Variants in DNAJC12 observed in about 807,000 individuals in gnomAD.
The protein encoded by DNAJC12 is dnaJ homolog subfamily C member 12.
In DNAJC12, 25 loss-of-function variants were observed where a neutral mutation model predicts 28.5. The observed-to-expected ratio is 0.88, with a 90% CI of 0.64 to 1.22. The LOEUF is 1.22. Among genes scored for constraint, DNAJC12 ranks in the 50% most tolerant of loss-of-function variants. The pLI is 0.00. For synonymous variants in DNAJC12, 77 were observed against 80.6 expected (o/e 0.95, Z 0.24); for missense variants, 222 against 231.7 (o/e 0.96, Z 0.27).
chr10:67,828,674 C>G, intron 1 of DNAJC12, among the ~76,000 whole-genome samples: 1 of 150,538 alleles, frequency 6.6e-6, no homozygotes, highest in East Asian at 1.9e-4. Flanking sequence ...CTCTCTCTCT[C>G]TATATATATA....
intron 1 of DNAJC12, among the ~76,000 whole-genome samples, chr10:67,832,504 G>T (rs1339152197): frequency 6.6e-6 from 1 of 151,974 alleles, no homozygotes; most frequent in Non-Finnish European, 1.5e-5. Context: ...GGTAATATTT[G>T]GGTTATAACA....
intron 1 of DNAJC12, among the ~76,000 whole-genome samples, chr10:67,830,846 T>C (rs2131815047): frequency 6.6e-6 from 1 of 152,212 alleles, no homozygotes; most frequent in South Asian, 2.1e-4. Flanking sequence ...ATCTAGGAAC[T>C]GAACCCATGC....
chr10:67,819,025 G>T (rs192659360), intron 2 of DNAJC12, among the ~76,000 whole-genome samples: 84 of 151,992 alleles, frequency 5.5e-4, no homozygotes, highest in African/African-American at 1.9e-3. Context: ...TAGTTAATAT[G>T]AATCCTAAAG....
intron 1 of DNAJC12, among the ~76,000 whole-genome samples, chr10:67,823,709 A>G (rs1842002846): frequency 6.6e-6 from 1 of 152,016 alleles, no homozygotes; most frequent in Admixed American, 6.6e-5. Flanking sequence ...TCAAAAAAAA[A>G]AAGGTCAAAC....
At chr10:67,832,460 G>A (rs889498954) in intron 1 of DNAJC12, among the ~76,000 whole-genome samples, 8 of 151,998 alleles carry the variant, frequency 5.3e-5, no homozygotes, top group Admixed American at 4.6e-4. Context: ...AAGTCATGAG[G>A]CATAGAAACA....
intron 1 of DNAJC12, among the ~76,000 whole-genome samples, chr10:67,823,897 A>T (rs1564864943): frequency 6.6e-6 from 1 of 152,222 alleles, no homozygotes; most frequent in Non-Finnish European, 1.5e-5. Flanking sequence ...TGACAATTTA[A>T]CTACTTAATT....
chr10:67,814,073 A>T (rs959972860), intron 2 of DNAJC12, among the ~76,000 whole-genome samples: 2 of 152,000 alleles, frequency 1.3e-5, no homozygotes, highest in African/African-American at 4.8e-5. Flanking sequence ...ATAAGAGCAA[A>T]GTTGGAGAAT....
intron 1 of DNAJC12, among the ~76,000 whole-genome samples, chr10:67,824,235 T>TAA (rs11351546): frequency 4.1e-4 from 56 of 135,972 alleles, no homozygotes; most frequent in Non-Finnish European, 6.0e-4. Context: ...GAGTCTGTCT[T>TAA]AAAAAAAAAA....
rs1841949013 is a variant in DNAJC12 at position 67,819,391 on chromosome 10, C to T, written c.157+3923G>A. Among the ~76,000 whole-genome samples the T allele has an allele frequency of 2.7e-5, 4 of 150,726 alleles. No homozygotes were observed. The South Asian group carries it at 8.4e-4, about 32-fold the overall frequency. The stretch of plus-strand genomic sequence containing the variant: ...CGGTGGCACATGCCTGTAATCCCAG[C>T]CCTTTGGGAGGCCGAGGCAGGCGAA... On this transcript the variant is annotated intron_variant, in intron 2 of 4. Coordinates refer to ENST00000225171, the MANE Select transcript of DNAJC12 (RefSeq NM_021800.3).
At chr10:67,819,691 A>AAAGAAAGAAAGAAAGAAAGAAAGG (rs1841955672) in intron 2 of DNAJC12, among the ~76,000 whole-genome samples, 1 of 22,858 alleles carries the variant, frequency 4.4e-5, no homozygotes, top group African/African-American at 1.3e-4. Context: ...AGAAAGAAAG[A>AAAGAAAGAAAGAAAGAAAGAAAGG]AAGAAAGGAA....
At chr10:67,833,331 G>GA (rs1842111549) in intron 1 of DNAJC12, among the ~76,000 whole-genome samples, 1 of 152,164 alleles carries the variant, frequency 6.6e-6, no homozygotes, top group African/African-American at 2.4e-5. Flanking sequence ...TTAGGACAGA[G>GA]ACTGTAAGGC....
chr10:67,820,301 GACAAAGGATGAACT>G (rs1453372798), intron 2 of DNAJC12, among the ~76,000 whole-genome samples: 9 of 152,226 alleles, frequency 5.9e-5, no homozygotes, highest in Non-Finnish European at 1.3e-4. Context: ...GCTCAACAAT[GACAAAGGATGAACT>G]ACTGCACAGT....
intron 4 of DNAJC12, among the ~76,000 whole-genome samples, chr10:67,800,107 C>T (rs1291980069): frequency 6.7e-6 from 1 of 150,248 alleles, no homozygotes; most frequent in African/African-American, 2.5e-5. Flanking sequence ...CCTGCAGTCC[C>T]AGCCATTTGG....
chr10:67,797,185 G>C lies in DNAJC12; in HGVS notation c.528C>G (p.His176Gln), dbSNP rs761746192. ...SSGFADVNGWHLRFRWSKDAP... is the reference protein window; with the variant it reads ...SSGFADVNGWQLRFRWSKDAP... ...CATCCTTGGACCAGCGGAAACGAAGGTGCCAACCATTCACATCTGCAAAAC... is the reference window on the plus strand; with the variant it reads ...CATCCTTGGACCAGCGGAAACGAAGCTGCCAACCATTCACATCTGCAAAAC... Residue 176 changes from histidine to glutamine, a missense_variant, in exon 5 of 5, where the codon CAC becomes CAG. Transcript: ENST00000225171. 1.1e-5 allele frequency: 18 copies of C among 1,613,850 alleles called. No homozygotes were observed. The highest frequency in any genetic ancestry group is 1.5e-5 in the Non-Finnish European group (18 of 1,179,888).
At chr10:67,801,227 G>A (rs1287627977) in intron 4 of DNAJC12, among the ~76,000 whole-genome samples, 1 of 152,178 alleles carries the variant, frequency 6.6e-6, no homozygotes, top group Non-Finnish European at 1.5e-5. Flanking sequence ...GAGGAAATTA[G>A]CAAATATGCT....
chr10:67,802,497 T>C (rs1365405890), intron 4 of DNAJC12, among the ~76,000 whole-genome samples: 1 of 152,210 alleles, frequency 6.6e-6, no homozygotes, highest in Non-Finnish European at 1.5e-5. Flanking sequence ...CATAACAATA[T>C]GTAACATTTC....
At chr10:67,800,248 T>C (rs1589601243) in intron 4 of DNAJC12, among the ~76,000 whole-genome samples, 1 of 113,506 alleles carries the variant, frequency 8.8e-6, no homozygotes, top group Non-Finnish European at 1.9e-5. Context: ...AAAAAAAAAA[T>C]TGAAACAAAG....
intron 4 of DNAJC12, among the ~76,000 whole-genome samples, chr10:67,803,506 A>G (rs533017101): frequency 1.3e-5 from 2 of 152,342 alleles, no homozygotes; most frequent in Admixed American, 1.3e-4. Context: ...CAGCAAGTCT[A>G]TACTACTTTT....
At chr10:67,808,983 G>A (rs957789898) in intron 3 of DNAJC12, among the ~76,000 whole-genome samples, 2 of 152,180 alleles carry the variant, frequency 1.3e-5, no homozygotes, top group African/African-American at 4.8e-5. Context: ...AAGACACCTT[G>A]CCCAGCTGGG....
Sources: gnomAD v4.1 joint callset for allele counts (sites outside exome capture counted in the v4.1 genomes callset) on GRCh38, gnomAD v4.1.1 for gene constraint, MANE v1.5 for transcripts, NCBI Gene and HGNC (gene_info 2026-07-23, HGNC 2026-07-21) for gene names.